RTBDN: variants seen among roughly 807,000 people sequenced by gnomAD.
The protein encoded by RTBDN is retbindin.
A neutral mutation model predicts 21.9 loss-of-function variants in RTBDN; 24 were observed. That is an observed-to-expected ratio of 1.10 (90% CI 0.79 to 1.54). The LOEUF (loss-of-function observed/expected upper bound fraction) is 1.54. RTBDN is among the 40% of genes most tolerant of loss of function. The pLI is 0.00. For missense variants in RTBDN, 325 were observed against 315.2 expected, an observed-to-expected ratio of 1.03 and a Z score of -0.23; for synonymous variants, 141 against 125.9, an observed-to-expected ratio of 1.12 and a Z score of -0.80.
chr19:12,825,499 T>G lies in RTBDN; in HGVS notation c.*207A>C. On this transcript the variant is annotated 3_prime_UTR_variant, in exon 6 of 6. Transcript: ENST00000674343. The stretch of plus-strand genomic sequence containing the variant: ...TCGTCACGTGCTCTAGCTGGCGACT[T>G]TATTCAAAGGGGAGAGGGAAAAGTG... The G allele has an allele frequency of 2.6e-6, 2 of 770,778 alleles. No individual in the cohort carries two copies. The highest frequency in any genetic ancestry group is 2.0e-6 in the Non-Finnish European group (1 of 507,488). The allele number at this position is 770,778 out of a possible 1,614,324, so 47.7% of individuals were successfully genotyped here.
intron 1 of RTBDN, chr19:12,833,847 T>G: frequency 4.1e-5 from 4 of 97,020 alleles, no homozygotes; most frequent in Non-Finnish European, 6.4e-5. Context: ...ACCCCTCCCC[T>G]CAGCCGCCGC....
Position 12,829,066 on chromosome 19 carries a change from A to C in RTBDN, c.170-113T>G. On this transcript the variant is annotated intron_variant, in intron 2 of 5. Transcript: ENST00000674343. ...GACAACAATTACATCAATCCTCACAAACCCATAACTTAAGACCCTTCCTTT... is the reference window on the plus strand; with the variant it reads ...GACAACAATTACATCAATCCTCACACACCCATAACTTAAGACCCTTCCTTT... 2.0e-6 allele frequency: 3 copies of C among 1,510,214 alleles called. No individual in the cohort carries two copies. In the African/African-American group the frequency reaches 4.2e-5, roughly 21 times the overall value. 93.6% of individuals were successfully genotyped at this position (1,510,214 alleles called of 1,614,324 possible). A position where few individuals can be genotyped will look rare whatever the true frequency, so the allele number is the denominator to read the frequency against.
At chr19:12,833,868 G>C in intron 1 of RTBDN, 1 of 151,374 alleles carries the variant, frequency 6.6e-6, no homozygotes, top group Non-Finnish European at 1.4e-5. Context: ...CGCCGCCGCC[G>C]CCGCGGTCCC....
At chr19:12,834,796 G>A (rs770549846), upstream of RTBDN, 1 of 1,614,204 alleles carries the variant, frequency 6.2e-7, no homozygotes, top group South Asian at 1.1e-5. The surrounding 1 kb of genome is among the most constrained non-coding windows in gnomAD (Gnocchi z 4.7). Context: ...TCCAAGGTGG[G>A]GAGGGATTCT....
chr19:12,825,828 G>A lies in RTBDN; in HGVS notation c.568C>T (p.Pro190Ser). 6.2e-7 allele frequency: 1 copy of A among 1,613,536 alleles called. No homozygotes were observed. Among genetic ancestry groups the A allele is most frequent in the Non-Finnish European group, 8.5e-7 (1 of 1,179,830 alleles). Residue 190 changes from proline (P) to serine (S), a missense_variant, in exon 6 of 6, where the codon CCT (proline) becomes TCT (serine). By Grantham distance (74) the Pro-to-Ser change is moderately conservative (BLOSUM62 -1). Coordinates refer to ENST00000674343, the MANE Select transcript of RTBDN (RefSeq NM_001270441.2). The stretch of plus-strand genomic sequence containing the variant: ...CCCCGTCGTCCTGGTCTGGGACGAG[G>A]TACCGCGGAGATGGAGATGTTGAAG... ...HCFNISISAV[P>S]RPRPGRRGRE...
At position 12,828,890 on chromosome 19, in the gene RTBDN, C is replaced by T. The variant is rs144157834; in HGVS notation, c.233G>A (p.Arg78His). The T allele has an allele frequency of 1.2e-6, 2 of 1,614,186 alleles. No individual in the cohort carries two copies. The highest frequency in any genetic ancestry group is 2.2e-5 in the South Asian group (2 of 91,090). The change falls in exon 3 of 6, where the codon CGC becomes CAC. Residue 78 changes from arginine (R) to histidine (H), a missense_variant. Arg to His is a conservative substitution (Grantham distance 29, BLOSUM62 0). Coordinates refer to ENST00000674343, the MANE Select transcript of RTBDN (RefSeq NM_001270441.2). ...TCACTCAGGGCTCGGCACTCCACAGCGTTCTGGATGGTTTCCAGGGCCCGA... is the reference window on the plus strand; with the variant it reads ...TCACTCAGGGCTCGGCACTCCACAGTGTTCTGGATGGTTTCCAGGGCCCGA... ...ETSGPGNHPE[R>H]CGVPSPECES...
At chr19:12,826,027 G>A (rs1312648519) in intron 5 of RTBDN, 94 bp from the exon 6 acceptor site, 2 of 1,443,238 alleles carry the variant, frequency 1.4e-6, no homozygotes, top group Admixed American at 2.9e-5. Context: ...ATTCCTTAGG[G>A]ATTGGGGTCA....
At chr19:12,835,093 G>T, upstream of RTBDN, 1 of 1,612,910 alleles carries the variant, frequency 6.2e-7, no homozygotes, top group Non-Finnish European at 8.5e-7. Flanking sequence ...CTAGGGCTTC[G>T]TCCATTTCTA....
At chr19:12,827,876 C>T (rs1258559479) in intron 4 of RTBDN, among the ~76,000 whole-genome samples, 5 of 151,472 alleles carry the variant, frequency 3.3e-5, no homozygotes, top group Admixed American at 6.6e-5. Flanking sequence ...GGCGGACCAC[C>T]TAGGTCAGGA....
In RTBDN at chr19:12,830,022, G is replaced by C; in HGVS notation, c.-18-25C>G. ...GCTGGCAGGCATAGGGTGGGGTTCAGCCATCCCTTTCTGTGAGCTTAGGGT... is the reference window on the plus strand; with the variant it reads ...GCTGGCAGGCATAGGGTGGGGTTCACCCATCCCTTTCTGTGAGCTTAGGGT... On this transcript the variant is annotated intron_variant, in intron 1 of 5. Transcript: ENST00000674343. The surrounding 1 kb of genome is among the most constrained non-coding windows in gnomAD (Gnocchi z 4.2). 1 of 1,588,716 alleles carries C rather than the reference G, an allele frequency of 6.3e-7. No individual in the cohort carries two copies. Among genetic ancestry groups the C allele is most frequent in the Non-Finnish European group, 8.6e-7 (1 of 1,160,526 alleles).
At chr19:12,834,827 G>A (rs558216619), upstream of RTBDN, 3 of 1,614,190 alleles carry the variant, frequency 1.9e-6, no homozygotes, top group African/African-American at 1.3e-5. This position sits in a 1 kb window ranked among gnomAD's most constrained non-coding sequence, Gnocchi z 4.7. Flanking sequence ...AGCGTCCTCT[G>A]CTCGTCTTCA....
Position 12,830,661 on chromosome 19 carries a change from G to T in RTBDN, c.-18-664C>A. The T allele has an allele frequency of 1.0e-6, 1 of 985,544 alleles. No individual in the cohort carries two copies. The highest frequency in any genetic ancestry group is 1.2e-6 in the Non-Finnish European group (1 of 830,026). 61.0% of individuals were successfully genotyped at this position (985,544 alleles called of 1,614,324 possible). A position where few individuals can be genotyped will look rare whatever the true frequency, so the allele number is the denominator to read the frequency against. ...GGCCGCTAAGACACCTCAGGATCCA[G>T]TCCAGGAAACTGGCTGCTGAAAGGG... On this transcript the variant is annotated intron_variant, in intron 1 of 5. Coordinates refer to ENST00000674343, the MANE Select transcript of RTBDN (RefSeq NM_001270441.2). This position sits in a 1 kb window ranked among gnomAD's most constrained non-coding sequence, Gnocchi z 4.2.
intron 5 of RTBDN, chr19:12,826,335 G>A: frequency 2.4e-6 from 3 of 1,228,726 alleles, no homozygotes; most frequent in Non-Finnish European, 3.1e-6. Flanking sequence ...TTGGGCTAGG[G>A]AAGGGTGGGA....
rs1396709206 is a variant in RTBDN, at chr19:12,834,215, G to GC, written c.-19+273dup. Among the ~76,000 whole-genome samples, 1 of 152,166 alleles carries GC rather than the reference G, an allele frequency of 6.6e-6. No homozygotes were observed. The highest frequency in any genetic ancestry group is 2.4e-5 in the African/African-American group (1 of 41,460). ...GCGCCGCCCGGCGATCCAGGGAGCTGCCGGAGGGGTGCAGCCTAGCGCTCC... is the reference window on the plus strand; with the variant it reads ...GCGCCGCCCGGCGATCCAGGGAGCTGCCCGGAGGGGTGCAGCCTAGCGCTCC... On this transcript the variant is annotated intron_variant, in intron 1 of 5. Coordinates refer to ENST00000674343, the MANE Select transcript of RTBDN (RefSeq NM_001270441.2). The surrounding 1 kb of genome is among the most constrained non-coding windows in gnomAD (Gnocchi z 4.7).
chr19:12,826,185 G>A, intron 5 of RTBDN: 3 of 1,364,098 alleles, frequency 2.2e-6, no homozygotes, highest in South Asian at 3.4e-5. Context: ...TATCAAGGCT[G>A]GGGTTTTGTA....
At chr19:12,833,653 G>A (rs1354954074) in intron 1 of RTBDN, among the ~76,000 whole-genome samples, 1 of 152,074 alleles carries the variant, frequency 6.6e-6, no homozygotes, top group Non-Finnish European at 1.5e-5. Flanking sequence ...CTCTCCTCTG[G>A]GGTGTCTCTT....
In RTBDN at chr19:12,834,455, C is replaced by T. The variant is rs1053046329; in HGVS notation, c.-19+34G>A. ...CCCTCACCACCCCAGGAGCCCCCTC[C>T]CGAGGCATAGGACGCCCTGCGTCCC... On this transcript the variant is annotated intron_variant, in intron 1 of 5. Transcript: ENST00000674343. The surrounding 1 kb of genome is among the most constrained non-coding windows in gnomAD (Gnocchi z 4.7). The T allele has an allele frequency of 6.7e-7, 1 of 1,500,286 alleles. No individual in the cohort carries two copies. The highest frequency in any genetic ancestry group is 9.0e-7 in the Non-Finnish European group (1 of 1,114,108). 92.9% of individuals were successfully genotyped at this position (1,500,286 alleles called of 1,614,324 possible).
At chr19:12,832,938 C>G (rs1297555641) in intron 1 of RTBDN, 1 of 152,252 alleles carries the variant, frequency 6.6e-6, no homozygotes, top group East Asian at 1.9e-4. Context: ...CTCGGACACT[C>G]TCCTCTCCAA....
intron 5 of RTBDN, 76 bp from the exon 6 acceptor site, chr19:12,826,009 A>C (rs777558030): frequency 8.2e-6 from 12 of 1,457,622 alleles, no homozygotes; most frequent in Non-Finnish European, 1.1e-5. Context: ...GAAGGGAAAA[A>C]TGTGTAAATT....
Sources: gnomAD v4.1 joint callset for allele counts (sites outside exome capture counted in the v4.1 genomes callset) on GRCh38, gnomAD v4.1.1 for gene constraint, Gnocchi (gnomAD v3.1) non-coding constraint, MANE v1.5 for transcripts, NCBI Gene and HGNC (gene_info 2026-07-23, HGNC 2026-07-21) for gene names.